Variants in CTNND2 observed in about 807,000 individuals in gnomAD.
The protein encoded by CTNND2 is catenin delta-2.
A neutral mutation model predicts 144.4 loss-of-function variants in CTNND2; 22 were observed. The ratio of observed to expected loss-of-function variants is 0.15; its 90% CI spans 0.11 to 0.22. The LOEUF (loss-of-function observed/expected upper bound fraction) is 0.22. Ranked by LOEUF, CTNND2 falls within the 10% of genes least tolerant of loss-of-function variation. The probability of loss-of-function intolerance (pLI) is 1.00; values close to 1 mark genes in which losing one functional copy is unlikely to be tolerated. For missense variants in CTNND2, 1,353 were observed against 1,618.8 expected (o/e 0.84, Z 2.82); for synonymous variants, 751 against 695.6 (o/e 1.08, Z -1.25).
chr5:11,690,370 G>A (rs1221150195), intron 2 of CTNND2, among the ~76,000 whole-genome samples: 3 of 152,148 alleles, frequency 2.0e-5, no homozygotes, highest in Non-Finnish European at 4.4e-5. Flanking sequence ...GTCCTCAAAT[G>A]CTGCTTCATT....
chr5:11,826,540 C>G (rs1407902303), intron 1 of CTNND2, among the ~76,000 whole-genome samples: 2 of 151,566 alleles, frequency 1.3e-5, no homozygotes, highest in African/African-American at 4.8e-5. Context: ...TAAATATCAC[C>G]AAATAAAAGG....
chr5:11,238,551 C>T (rs569624091), intron 9 of CTNND2, among the ~76,000 whole-genome samples: 18 of 152,170 alleles, frequency 1.2e-4, no homozygotes, highest in Non-Finnish European at 1.8e-4. Context: ...CATGTTGGTG[C>T]TTCCTTTACA....
At chr5:11,138,397 G>T (rs888287346) in intron 12 of CTNND2, among the ~76,000 whole-genome samples, 5 of 152,128 alleles carry the variant, frequency 3.3e-5, no homozygotes, top group Admixed American at 1.3e-4. Context: ...CATCTTTGGG[G>T]GCCACTATTC....
At chr5:11,429,724 G>A (rs1042722182) in intron 3 of CTNND2, among the ~76,000 whole-genome samples, 1 of 152,100 alleles carries the variant, frequency 6.6e-6, no homozygotes, top group African/African-American at 2.4e-5. Context: ...ATTAGACTTT[G>A]GCGTTTTGTA....
At chr5:11,088,122 T>C (rs769235355) in intron 15 of CTNND2, among the ~76,000 whole-genome samples, 1 of 152,234 alleles carries the variant, frequency 6.6e-6, no homozygotes, top group Non-Finnish European at 1.5e-5. Context: ...ATATTAGAGA[T>C]GTCATCCTTG....
chr5:11,157,527 C>T (rs1350626551), intron 12 of CTNND2, among the ~76,000 whole-genome samples: 1 of 152,204 alleles, frequency 6.6e-6, no homozygotes, highest in Non-Finnish European at 1.5e-5. Context: ...AGAGTCTGCC[C>T]TCTCTCAGCC....
chr5:11,769,465 C>T (rs1430204949), intron 1 of CTNND2, among the ~76,000 whole-genome samples: 4 of 152,240 alleles, frequency 2.6e-5, no homozygotes, highest in South Asian at 2.1e-4. Flanking sequence ...GAGCAATTCT[C>T]GTGATGTACT....
intron 18 of CTNND2, among the ~76,000 whole-genome samples, chr5:11,013,827 G>A (rs747652813): frequency 7.9e-5 from 12 of 152,172 alleles, no homozygotes; most frequent in Non-Finnish European, 1.3e-4. Context: ...GGGCTGTGGC[G>A]ATGGGACTGA....
chr5:11,232,457 T>C (rs1376307829), intron 10 of CTNND2, among the ~76,000 whole-genome samples: 1 of 152,234 alleles, frequency 6.6e-6, no homozygotes, highest in African/African-American at 2.4e-5. Flanking sequence ...GAGTGAGACA[T>C]GAAGTCAAAG....
intron 2 of CTNND2, chr5:11,588,924 G>A (rs1779052469): frequency 3.0e-6 from 3 of 985,358 alleles, no homozygotes; most frequent in Non-Finnish European, 2.4e-6. Flanking sequence ...GAACCACAGA[G>A]CAGCTCAAAA....
chr5:11,550,184 G>T (rs1775637103), intron 3 of CTNND2, among the ~76,000 whole-genome samples: 1 of 152,100 alleles, frequency 6.6e-6, no homozygotes, highest in Admixed American at 6.5e-5. Context: ...TAGGTAAATG[G>T]GGTTTACCAG....
At chr5:11,419,031 TATAGATATATAG>T (rs1377043451) in intron 3 of CTNND2, among the ~76,000 whole-genome samples, 2 of 139,990 alleles carry the variant, frequency 1.4e-5, no homozygotes, top group Non-Finnish European at 3.1e-5. Flanking sequence ...TCTATCTATA[TATAGATATATAG>T]ATAGACATCT....
chr5:11,307,896 A>T (rs919655954), intron 9 of CTNND2, among the ~76,000 whole-genome samples: 5 of 152,058 alleles, frequency 3.3e-5, no homozygotes, highest in African/African-American at 1.2e-4. Context: ...GGACTTTGGG[A>T]GGTGATTAGG....
Position 11,685,611 on chromosome 5 carries a change from T to C in CTNND2, c.174+46525A>G, listed in dbSNP as rs371331817. Among the ~76,000 whole-genome samples the C allele has an allele frequency of 3.9e-5, 6 of 152,226 alleles. No homozygotes were observed. The East Asian group carries it at 5.8e-4, about 15-fold the overall frequency. The stretch of plus-strand genomic sequence containing the variant: ...AACTCAACCTTTTACTCTCTTAATA[T>C]GGAAACTCTAAAGACTTTGCATATA... On this transcript the variant is annotated intron_variant, in intron 2 of 21. Coordinates refer to ENST00000304623, the MANE Select transcript of CTNND2 (RefSeq NM_001332.4).
rs1169156897 is a variant in CTNND2, at chr5:10,973,378, A to G, written c.*75T>C. 7.0e-7 allele frequency: 1 copy of G among 1,437,502 alleles called. No individual in the cohort carries two copies. The highest frequency in any genetic ancestry group is 9.2e-7 in the Non-Finnish European group (1 of 1,089,808). The allele number at this position is 1,437,502 out of a possible 1,614,324, so 89.0% of individuals were successfully genotyped here. ...TTAACAAACTAAATTTGCAGGAGAA[A>G]AAAACAAAACAGAAAGAAATGTCTT... On this transcript the variant is annotated 3_prime_UTR_variant, in exon 22 of 22. Coordinates refer to ENST00000304623, the MANE Select transcript of CTNND2 (RefSeq NM_001332.4). The surrounding 1 kb of genome is among the most constrained non-coding windows in gnomAD (Gnocchi z 5.6).
intron 12 of CTNND2, among the ~76,000 whole-genome samples, chr5:11,125,463 C>G (rs922164553): frequency 1.3e-5 from 2 of 152,260 alleles, no homozygotes; most frequent in Admixed American, 6.5e-5. Flanking sequence ...GCTTTGGCCT[C>G]CTCATCCGGG....
At chr5:11,002,959 T>C (rs895369121) in intron 18 of CTNND2, among the ~76,000 whole-genome samples, 3 of 152,230 alleles carry the variant, frequency 2.0e-5, no homozygotes, top group Non-Finnish European at 2.9e-5. Context: ...GGGATATTAA[T>C]TGGAACCCAA....
intron 3 of CTNND2, among the ~76,000 whole-genome samples, chr5:11,534,711 G>C (rs746474062): frequency 1.3e-4 from 20 of 152,186 alleles, no homozygotes; most frequent in Non-Finnish European, 2.9e-5. Context: ...ATTGAAAACA[G>C]GAGTGATGCC....
At position 11,237,308 on chromosome 5, in the gene CTNND2, C is replaced by T. The variant is rs568000159; in HGVS notation, c.1629-485G>A. Among the ~76,000 whole-genome samples the T allele has an allele frequency of 1.4e-4, 21 of 152,184 alleles. No individual in the cohort carries two copies. The South Asian group carries it at 1.5e-3, about 11-fold the overall frequency. Reference sequence around the variant, plus strand: ...TGCTGGGATTACAGGCGTGAGCCAGCGCGCCCAGCCTAGTAAATAGTTTTC... The same window carrying T: ...TGCTGGGATTACAGGCGTGAGCCAGTGCGCCCAGCCTAGTAAATAGTTTTC... On this transcript the variant is annotated intron_variant, in intron 9 of 21. Transcript: ENST00000304623.
Sources: gnomAD v4.1 joint callset for allele counts (sites outside exome capture counted in the v4.1 genomes callset) on GRCh38, gnomAD v4.1.1 for gene constraint, Gnocchi (gnomAD v3.1) non-coding constraint, MANE v1.5 for transcripts, NCBI Gene and HGNC (gene_info 2026-07-23, HGNC 2026-07-21) for gene names.